Variants in IGSF10 observed in about 807,000 individuals in gnomAD.
IGSF10 encodes calvaria mechanical force protein 608.
IGSF10 carries 126 observed loss-of-function variants against 128.2 expected under a neutral mutation model. The ratio of observed to expected loss-of-function variants is 0.98; its 90% CI spans 0.85 to 1.14. IGSF10 has a LOEUF of 1.14. IGSF10 is among the 50% of genes most tolerant of loss of function. IGSF10 has a pLI of 0.00. For synonymous variants in IGSF10, 1,185 were observed against 1,146.2 expected (o/e 1.03, Z -0.68); for missense variants, 3,295 against 3,149.8 (o/e 1.05, Z -1.10).
the IGSF10 span, among the ~76,000 whole-genome samples, chr3:151,484,497 C>A: frequency 1.1e-4 from 16 of 152,248 alleles, no homozygotes; most frequent in East Asian, 2.9e-3. Context: ...CCTGTGTATC[C>A]TGACTGGGAG....
At position 151,436,950 on chromosome 3, in the gene IGSF10, A is replaced by G. The variant is rs1233362518; in HGVS notation, c.7611T>C (p.Ser2537=). 9.3e-6 allele frequency: 15 copies of G among 1,613,994 alleles called. No individual in the cohort carries two copies. The highest frequency in any genetic ancestry group is 1.3e-5 in the Non-Finnish European group (15 of 1,179,986). ...AGGCTGCCCCTGTCCTGGTGACAAT[A>G]CTCCTGGGTGGACGATTTGTAATTC... ...PPRITNRPPR[S]IVTRTGAAFQ... The change falls in exon 8 of 8, where the codon AGT becomes AGC. Residue 2537 remains serine (S), a synonymous_variant. Coordinates refer to ENST00000282466, the MANE Select transcript of IGSF10 (RefSeq NM_178822.5).
chr3:151,542,305 A>AT, the IGSF10 span, among the ~76,000 whole-genome samples: 1 of 152,046 alleles, frequency 6.6e-6, no homozygotes, highest in Non-Finnish European at 1.5e-5. Flanking sequence ...ACATATAGTA[A>AT]TTTTTTACTG....
chr3:151,444,857 A>G (rs1721086191), intron 6 of IGSF10, 62 bp downstream of exon 6: 1 of 1,458,572 alleles, frequency 6.9e-7, no homozygotes, highest in South Asian at 1.4e-5. Flanking sequence ...TAATCCCAAA[A>G]CATAACAATC....
chr3:151,511,145 T>C, the IGSF10 span, among the ~76,000 whole-genome samples: 2 of 151,910 alleles, frequency 1.3e-5, no homozygotes, highest in African/African-American at 4.8e-5. Context: ...GAAGAGCAAC[T>C]CCAAGACACA....
intron 6 of IGSF10, 132 bp downstream of exon 6, chr3:151,444,787 G>A: frequency 2.7e-6 from 2 of 747,944 alleles, no homozygotes; most frequent in Non-Finnish European, 4.2e-6. Flanking sequence ...GTCAAATGAG[G>A]ATATTAATAG....
At chr3:151,461,374 T>C, upstream of IGSF10, 5 of 985,396 alleles carry the variant, frequency 5.1e-6, no homozygotes, top group South Asian at 2.3e-4. Context: ...TCCTTGGTCC[T>C]GTGGCTCCCA....
In IGSF10 at chr3:151,443,097, C is replaced by G. The variant is rs773341578; in HGVS notation, c.5850G>C (p.Arg1950Ser). 6.2e-7 allele frequency: 1 copy of G among 1,614,258 alleles called. No homozygotes were observed. The highest frequency in any genetic ancestry group is 1.7e-5 in the Admixed American group (1 of 60,028). The part of the protein sequence containing the change: ...SPRIEAASQK[R>S]TEVNFGDKLL... ...ATTTGTCCCCAAAATTCACTTCAGT[C>G]CTTTTCTGGGATGCAGCTTCTATCC... The change falls in exon 7 of 8, where the codon AGG becomes AGC. Residue 1950 changes from arginine (R) to serine (S), a missense_variant. Arg to Ser is a moderately radical substitution (Grantham distance 110). Transcript: ENST00000282466.
the IGSF10 span, among the ~76,000 whole-genome samples, chr3:151,550,782 T>G: frequency 6.6e-6 from 1 of 152,198 alleles, no homozygotes; most frequent in East Asian, 1.9e-4. Context: ...ATTGTGTCCA[T>G]GTACCCTGGA....
Position 151,436,882 on chromosome 3 carries a change from A to C in IGSF10, c.7679T>G (p.Ile2560Ser). The change falls in exon 8 of 8, where the codon ATC (isoleucine) becomes AGC (serine). Residue 2560 changes from isoleucine (I) to serine (S), a missense_variant. By Grantham distance (142) the Ile-to-Ser change is moderately radical (BLOSUM62 -2). Coordinates refer to ENST00000282466, the MANE Select transcript of IGSF10 (RefSeq NM_178822.5). ...GGAGTGGTCAGGCATCTCCCATGTG[A>C]TTTCTGGCTTGGGAACTCCCAAGGC... ...CVALGVPKPE[I>S]TWEMPDHSLL... The C allele has an allele frequency of 6.2e-7, 1 of 1,614,010 alleles. No individual in the cohort carries two copies. Among genetic ancestry groups the C allele is most frequent in the South Asian group, 1.1e-5 (1 of 91,064 alleles).
chr3:151,534,650 G>C, the IGSF10 span, among the ~76,000 whole-genome samples: 19 of 141,222 alleles, frequency 1.3e-4, no homozygotes, highest in East Asian at 3.9e-3. Flanking sequence ...ACTGGGGCCT[G>C]TCATGGGGTG....
rs1720399915 is a variant in IGSF10, at chr3:151,437,290, A to T, written c.7271T>A (p.Val2424Asp). 6.2e-7 allele frequency: 1 copy of T among 1,614,052 alleles called. No individual in the cohort carries two copies. The highest frequency in any genetic ancestry group is 1.3e-5 in the African/African-American group (1 of 74,912). The change falls in exon 8 of 8, where the codon GTC (valine) becomes GAC (aspartate). Residue 2424 changes from valine (V) to aspartate (D), a missense_variant. Physicochemically the swap from Val to Asp is radical, Grantham distance 152. Transcript: ENST00000282466. ...RNKVGYIEKLVILEIGQKPVI... is the reference protein window; with the variant it reads ...RNKVGYIEKLDILEIGQKPVI... The stretch of plus-strand genomic sequence containing the variant: ...TGGCTTCTGGCCAATTTCTAATATG[A>T]CTAATTTCTCAATATAGCCAACTTT...
chr3:151,496,955 C>T, the IGSF10 span, among the ~76,000 whole-genome samples: 4 of 152,094 alleles, frequency 2.6e-5, no homozygotes, highest in Admixed American at 6.6e-5. Flanking sequence ...TTTCATGTGT[C>T]TGTTGGCTGC....
At chr3:151,464,597 T>C (rs1355795423), upstream of IGSF10, among the ~76,000 whole-genome samples, 5 of 152,210 alleles carry the variant, frequency 3.3e-5, no homozygotes, top group Admixed American at 3.3e-4. Flanking sequence ...TAAAACTGAC[T>C]TATATATGTG....
rs1398013589 is a variant in IGSF10 at position 151,449,224 on chromosome 3, G to C, written c.757C>G (p.Gln253Glu). 1 of 1,601,606 alleles carries C rather than the reference G, an allele frequency of 6.2e-7. No individual in the cohort carries two copies. The highest frequency in any genetic ancestry group is 1.1e-5 in the South Asian group (1 of 88,410). The stretch of plus-strand genomic sequence containing the variant: ...GGGTTCATGCAAAGTGGACACTGCT[G>C]AGCACTAGAGGGACTTCTATCTTTT... ...CKKDRSPSSA[Q>E]QCPLCMNPRT... Residue 253 changes from glutamine (Q) to glutamate (E), a missense_variant, in exon 6 of 8, where the codon CAG (glutamine) becomes GAG (glutamate). Gln to Glu is a conservative substitution (Grantham distance 29). Transcript: ENST00000282466.
chr3:151,514,041 G>A, the IGSF10 span, among the ~76,000 whole-genome samples: 47 of 152,064 alleles, frequency 3.1e-4, no homozygotes, highest in African/African-American at 8.5e-4. Flanking sequence ...AAATGGCCAT[G>A]CTGCCCAAGG....
At chr3:151,508,092 A>G in the IGSF10 span, among the ~76,000 whole-genome samples, 82 of 152,262 alleles carry the variant, frequency 5.4e-4, no homozygotes, top group Admixed American at 5.4e-3. Flanking sequence ...AAAAACTACT[A>G]GATACGAGAG....
upstream of IGSF10, among the ~76,000 whole-genome samples, chr3:151,462,615 C>G (rs1273929249): frequency 6.6e-6 from 1 of 152,250 alleles, no homozygotes; most frequent in Non-Finnish European, 1.5e-5. Context: ...AATTCAAACT[C>G]AGGCAGTCTT....
At chr3:151,433,504 C>G (rs903381384), downstream of IGSF10, 2 of 152,536 alleles carry the variant, frequency 1.3e-5, no homozygotes, top group Non-Finnish European at 2.9e-5. Context: ...GTGCGGAAAC[C>G]TGTTAGAAGT....
chr3:151,435,752 A>AAT (rs1720093030), downstream of IGSF10: 1 of 152,202 alleles, frequency 6.6e-6, no homozygotes, highest in African/African-American at 2.4e-5. Context: ...TTAAGCATGT[A>AAT]ATATAAATTC....
Sources: gnomAD v4.1 joint callset for allele counts (sites outside exome capture counted in the v4.1 genomes callset) on GRCh38, gnomAD v4.1.1 for gene constraint, MANE v1.5 for transcripts, NCBI Gene and HGNC (gene_info 2026-07-23, HGNC 2026-07-21) for gene names.